The following HBP1 variants were observed in gnomAD, a reference collection of about 807,000 sequenced individuals.
HBP1 encodes HMG-box transcription factor 1.
A neutral mutation model predicts 62.6 loss-of-function variants in HBP1; 20 were observed. The ratio of observed to expected loss-of-function variants is 0.32; its 90% CI spans 0.22 to 0.46. The LOEUF (loss-of-function observed/expected upper bound fraction) is 0.46. Ranked by LOEUF, HBP1 falls within the 20% of genes least tolerant of loss-of-function variation. HBP1 has a pLI of 1.00. For missense variants in HBP1, 480 were observed against 611.8 expected (o/e 0.78, Z 2.27); for synonymous variants, 232 against 206.2 (o/e 1.12, Z -1.07).
intron 9 of HBP1, 141 bp downstream of exon 9, chr7:107,196,292 G>A (rs770814467): frequency 1.0e-5 from 7 of 700,470 alleles, no homozygotes; most frequent in South Asian, 1.5e-5. Context: ...TTTTTGAGAC[G>A]GAGTCTCGCT....
intron 2 of HBP1, among the ~76,000 whole-genome samples, chr7:107,180,550 T>TG (rs1797059681): frequency 1.3e-5 from 2 of 152,328 alleles, no homozygotes; most frequent in South Asian, 4.1e-4. Flanking sequence ...TGAATTGTAT[T>TG]GCTTCAAGGC....
At chr7:107,197,367 A>G (rs1021873442) in intron 9 of HBP1, among the ~76,000 whole-genome samples, 3 of 146,266 alleles carry the variant, frequency 2.1e-5, no homozygotes, top group Non-Finnish European at 2.9e-5. Context: ...CAAGAATTCT[A>G]AGAGTCTTTT....
Position 107,201,674 on chromosome 7 carries a change from T to C in HBP1, c.*243T>C, listed in dbSNP as rs1451158477. On this transcript the variant is annotated 3_prime_UTR_variant, in exon 11 of 11. Transcript: ENST00000222574. ...TTATTTTTCTTCCAAACTTCATATA[T>C]GTCTATCAGGTAATAATAGGCTTGA... 1.8e-5 allele frequency: 7 copies of C among 394,978 alleles called. No individual in the cohort carries two copies. The highest frequency in any genetic ancestry group is 3.2e-5 in the Non-Finnish European group (7 of 220,116). 24.5% of individuals were successfully genotyped at this position (394,978 alleles called of 1,614,324 possible). A position where few individuals can be genotyped will look rare whatever the true frequency, so the allele number is the denominator to read the frequency against.
At position 107,201,662 on chromosome 7, in the gene HBP1, A is replaced by G; in HGVS notation, c.*231A>G. 1 of 409,068 alleles carries G rather than the reference A, an allele frequency of 2.4e-6. No homozygotes were observed. The highest frequency in any genetic ancestry group is 4.4e-6 in the Non-Finnish European group (1 of 228,126). The allele number at this position is 409,068 out of a possible 1,614,324, so 25.3% of individuals were successfully genotyped here. A position where few individuals can be genotyped will look rare whatever the true frequency, so the allele number is the denominator to read the frequency against. ...AACCAAATTGCCTTATTTTTCTTCCAAACTTCATATATGTCTATCAGGTAA... is the reference window on the plus strand; with the variant it reads ...AACCAAATTGCCTTATTTTTCTTCCGAACTTCATATATGTCTATCAGGTAA... On this transcript the variant is annotated 3_prime_UTR_variant, in exon 11 of 11. Transcript: ENST00000222574.
chr7:107,179,961 A>G lies in HBP1; in HGVS notation c.68A>G (p.Lys23Arg), dbSNP rs754230759. 3.7e-6 allele frequency: 6 copies of G among 1,610,866 alleles called. No individual in the cohort carries two copies. Among genetic ancestry groups the G allele is most frequent in the East Asian group, 2.2e-5 (1 of 44,838 alleles). The change falls in exon 2 of 11, where the codon AAG becomes AGG. Residue 23 changes from lysine (K) to arginine (R), a missense_variant. This residue lies in a region of HBP1 where 304 missense variants were observed against 330.9 expected (regional missense o/e 0.92). Coordinates refer to ENST00000222574, the MANE Select transcript of HBP1 (RefSeq NM_012257.4). ...AVQKLLLVMD[K>R]RASGMNDSLE... ...CAGAAACTCCTGTTGGTGATGGACAAGAGAGCCTCAGGAATGAATGACTCA... is the reference window on the plus strand; with the variant it reads ...CAGAAACTCCTGTTGGTGATGGACAGGAGAGCCTCAGGAATGAATGACTCA...
At chr7:107,185,972 CAA>C (rs1562892605) in intron 4 of HBP1, 30 bp downstream of exon 4, 2 of 1,558,764 alleles carry the variant, frequency 1.3e-6, no homozygotes, top group Non-Finnish European at 1.8e-6. Context: ...TAAACTTTTA[CAA>C]AGTTTGTACA....
chr7:107,200,663 C>T (rs756165319), intron 10 of HBP1: 1 of 159,570 alleles, frequency 6.3e-6, no homozygotes, highest in Non-Finnish European at 1.4e-5. Flanking sequence ...GGGATTGTCT[C>T]AACAGCTTTT....
intron 9 of HBP1, 102 bp downstream of exon 9, chr7:107,196,253 T>C (rs747316088): frequency 2.5e-6 from 2 of 798,004 alleles, no homozygotes; most frequent in East Asian, 5.3e-5. Flanking sequence ...ATAGCTTTTA[T>C]TCAACTCTTA....
At chr7:107,190,150 T>C (rs1797583228) in intron 7 of HBP1, 23 bp from the exon 8 acceptor site, 1 of 1,584,196 alleles carries the variant, frequency 6.3e-7, no homozygotes, top group Non-Finnish European at 8.6e-7. Flanking sequence ...CCTCATCCTT[T>C]ATGCAACATT....
intron 8 of HBP1, among the ~76,000 whole-genome samples, chr7:107,193,860 G>T (rs918711089): frequency 6.6e-6 from 1 of 152,040 alleles, no homozygotes; most frequent in African/African-American, 2.4e-5. Flanking sequence ...TATTTCTGTG[G>T]CTCCTTTAAA....
chr7:107,177,533 T>TA (rs552692686), intron 1 of HBP1, among the ~76,000 whole-genome samples: 110 of 152,326 alleles, frequency 7.2e-4, no homozygotes, highest in African/African-American at 2.4e-3. Context: ...CAAATACTTT[T>TA]AAAAAATAAG....
chr7:107,195,809 A>C, intron 8 of HBP1, 25 bp from the exon 9 acceptor site: 1 of 1,068,900 alleles, frequency 9.4e-7, no homozygotes, highest in Non-Finnish European at 1.3e-6. Flanking sequence ...GAATTAAAAT[A>C]TTATTATTTT....
At position 107,186,342 on chromosome 7, in the gene HBP1, A is replaced by G; in HGVS notation, c.541-19A>G. 1.4e-6 allele frequency: 2 copies of G among 1,399,492 alleles called. No individual in the cohort carries two copies. The highest frequency in any genetic ancestry group is 2.0e-6 in the Non-Finnish European group (2 of 996,742). The allele number at this position is 1,399,492 out of a possible 1,614,324, so 86.7% of individuals were successfully genotyped here. A position where few individuals can be genotyped will look rare whatever the true frequency, so the allele number is the denominator to read the frequency against. On this transcript the variant is annotated intron_variant, in intron 4 of 10. Transcript: ENST00000222574. ...ATTTTAAAAACAAATAAAAAAGTTG[A>G]TAATATTTTTCTCCATAGGCAAATA...
Position 107,179,934 on chromosome 7 carries a change from T to C in HBP1, c.41T>C (p.Val14Ala). ...EVKTNQMPNA[V>A]QKLLLVMDKR... ...AAGACAAATCAGATGCCTAATGCAG[T>C]ACAGAAACTCCTGTTGGTGATGGAC... Residue 14 changes from valine (V) to alanine (A), a missense_variant, in exon 2 of 11, where the codon GTA becomes GCA. Val to Ala is a moderately conservative substitution (Grantham distance 64). Coordinates refer to ENST00000222574, the MANE Select transcript of HBP1 (RefSeq NM_012257.4). The C allele has an allele frequency of 1.2e-6, 2 of 1,610,430 alleles. No individual in the cohort carries two copies. The highest frequency in any genetic ancestry group is 1.7e-6 in the Non-Finnish European group (2 of 1,176,882).
chr7:107,186,385 A>G lies in HBP1; in HGVS notation c.565A>G (p.Ile189Val), dbSNP rs749322203. The G allele has an allele frequency of 1.9e-6, 3 of 1,611,126 alleles. No homozygotes were observed. Among genetic ancestry groups the G allele is most frequent in the Admixed American group, 3.3e-5 (2 of 59,904 alleles). ...ERANSESESG[I>V]FCMSSLSDDD... ...GGCAAATAGTGAGTCAGAATCTGGC[A>G]TTTTCTGCATGTCCTCCCTGTCAGA... Residue 189 changes from isoleucine to valine, a missense_variant, in exon 5 of 11, where the codon ATT becomes GTT. Physicochemically the swap from Ile to Val is conservative, Grantham distance 29. Around this residue, in one of 4 missense-constraint regions of HBP1, gnomAD observed 304 missense variants for 330.9 expected, o/e 0.92. Coordinates refer to ENST00000222574, the MANE Select transcript of HBP1 (RefSeq NM_012257.4).
chr7:107,184,059 T>C (rs1371252331), intron 3 of HBP1, among the ~76,000 whole-genome samples: 3 of 152,228 alleles, frequency 2.0e-5, no homozygotes, highest in African/African-American at 7.2e-5. Context: ...GCCATATACA[T>C]TTTAGAATAT....
intron 9 of HBP1, chr7:107,197,267 A>G (rs1261175796): frequency 1.3e-5 from 2 of 152,128 alleles, no homozygotes; most frequent in East Asian, 3.9e-4. Context: ...CTTTATCTTG[A>G]TATCATGAGA....
chr7:107,175,778 G>T (rs1206949429), intron 1 of HBP1, among the ~76,000 whole-genome samples: 6 of 148,590 alleles, frequency 4.0e-5, no homozygotes, highest in African/African-American at 1.5e-4. Flanking sequence ...ATGCAGTGGC[G>T]CAATCCCAGC....
At chr7:107,183,683 T>C (rs1797222555) in intron 3 of HBP1, among the ~76,000 whole-genome samples, 1 of 152,152 alleles carries the variant, frequency 6.6e-6, no homozygotes, top group African/African-American at 2.4e-5. Context: ...TTTTTTTCAC[T>C]TTTTACAGCA....
Sources: allele counts gnomAD v4.1 joint callset (sites outside exome capture counted in the v4.1 genomes callset), GRCh38; gene constraint gnomAD v4.1.1; regional missense constraint gnomAD v4.1.1; transcripts MANE v1.5; gene names NCBI Gene and HGNC (gene_info 2026-07-23, HGNC 2026-07-21).